The following QRICH2 variants were observed in gnomAD, a reference collection of about 807,000 sequenced individuals.
QRICH2 encodes glutamine rich 2, also known as glutamine-rich protein 2.
In QRICH2, 119 loss-of-function variants were observed where a neutral mutation model predicts 168.3. The ratio of observed to expected loss-of-function variants is 0.71; its 90% CI spans 0.61 to 0.82. QRICH2 has a LOEUF of 0.82. Ranked by LOEUF, QRICH2 falls within the 40% of genes least tolerant of loss-of-function variation. The pLI, the probability that QRICH2 is intolerant of heterozygous loss-of-function variation, is 0.00. For synonymous variants in QRICH2, 894 were observed against 951.2 expected, an observed-to-expected ratio of 0.94 and a Z score of 1.11; for missense variants, 2,241 against 2,491.6, an observed-to-expected ratio of 0.90 and a Z score of 2.14.
intron 18 of QRICH2, 124 bp downstream of exon 18, chr17:76,275,695 T>TCC: frequency 1.6e-6 from 2 of 1,255,376 alleles, no homozygotes; most frequent in Non-Finnish European, 2.1e-6. Flanking sequence ...TCCACACCCA[T>TCC]CCCCCCCTTC....
intron 1 of QRICH2, among the ~76,000 whole-genome samples, chr17:76,306,187 A>C (rs540210242): frequency 2.0e-3 from 298 of 147,662 alleles, no homozygotes; most frequent in African/African-American, 7.1e-3. Flanking sequence ...AAAAAAAAAA[A>C]AAAAAACCCA....
At chr17:76,282,307 T>A (rs2143187952) in intron 7 of QRICH2, among the ~76,000 whole-genome samples, 192 bp from the exon 8 acceptor site, 1 of 152,302 alleles carries the variant, frequency 6.6e-6, no homozygotes, top group East Asian at 1.9e-4. Flanking sequence ...GAGAGAGTTC[T>A]CCGAGAACAC....
At chr17:76,300,240 C>A (rs1007140766) in intron 3 of QRICH2, among the ~76,000 whole-genome samples, 2 of 152,082 alleles carry the variant, frequency 1.3e-5, no homozygotes, top group African/African-American at 4.8e-5. Flanking sequence ...GCATAGACAC[C>A]TTTAAACATT....
Position 76,307,710 on chromosome 17 carries a change from A to C in QRICH2, c.289T>G (p.Ser97Ala), listed in dbSNP as rs2071012812. The C allele has an allele frequency of 7.0e-7, 1 of 1,428,376 alleles. No individual in the cohort carries two copies. The highest frequency in any genetic ancestry group is 1.4e-5 in the African/African-American group (1 of 69,112). The allele number at this position is 1,428,376 out of a possible 1,614,324, so 88.5% of individuals were successfully genotyped here. A position where few individuals can be genotyped will look rare whatever the true frequency, so the allele number is the denominator to read the frequency against. The part of the protein sequence containing the change: ...KRRGVGQAPS[S>A]ALESQVKDLG... ...TCCTTCACTTGGCTCTCCAGCGCTG[A>C]CGAAGGCGCCTGGCCCACGCCCCTG... is the stretch of plus-strand genomic sequence containing the variant. The change falls in exon 1 of 19, where the codon TCA (serine) becomes GCA (alanine). Residue 97 changes from serine to alanine, a missense_variant. Coordinates refer to ENST00000680821, the MANE Select transcript of QRICH2 (RefSeq NM_001388453.1). The surrounding 1 kb of genome is among the most constrained non-coding windows in gnomAD (Gnocchi z 5.3).
In QRICH2 at chr17:76,287,251, T is replaced by C. The variant is rs763822715; in HGVS notation, c.3952A>G (p.Arg1318Gly). The C allele has an allele frequency of 8.7e-6, 14 of 1,614,040 alleles. No homozygotes were observed. Among genetic ancestry groups the C allele is most frequent in the Non-Finnish European group, 1.1e-5 (13 of 1,179,932 alleles). ...GAATTTTCCATGGCAGCCTTGCCCC[T>C]GTCTTGGCTCTCCCTCAACTCGGCC... is the stretch of plus-strand genomic sequence containing the variant. ...ELAELRESQD[R>G]GKAAMENSVS... Residue 1318 changes from arginine (R) to glycine (G), a missense_variant, in exon 7 of 19, where the codon AGG becomes GGG. Arg to Gly is a moderately radical substitution (Grantham distance 125). This residue lies in a region of QRICH2 where 2,047 missense variants were observed against 2,303.8 expected (regional missense o/e 0.89). Coordinates refer to ENST00000680821, the MANE Select transcript of QRICH2 (RefSeq NM_001388453.1).
At chr17:76,275,342 T>C (rs1450614301) in intron 18 of QRICH2, among the ~76,000 whole-genome samples, 1 of 152,110 alleles carries the variant, frequency 6.6e-6, no homozygotes, top group Non-Finnish European at 1.5e-5. Flanking sequence ...TGCAGGGCCT[T>C]GTTACCAAAC....
In QRICH2 at chr17:76,305,987, C is replaced by T. The variant is rs149753817; in HGVS notation, c.535-1046G>A. Among the ~76,000 whole-genome samples the T allele has an allele frequency of 2.3e-3, 341 of 151,180 alleles. 5 individuals carry two copies. In the East Asian group the frequency reaches 0.041, roughly 18 times the overall value. ...GAGTTCGAGACCAGCCTGGCCAACA[C>T]GGCAAAACCCCATCTCTACTAAAAG... On this transcript the variant is annotated intron_variant, in intron 1 of 18. Transcript: ENST00000680821.
At chr17:76,286,683 T>G (rs772009703) in intron 7 of QRICH2, among the ~76,000 whole-genome samples, 186 of 152,168 alleles carry the variant, frequency 1.2e-3, no homozygotes, top group Non-Finnish European at 1.5e-3. Flanking sequence ...GTGATCAGCC[T>G]GGCCAAAATG....
chr17:76,305,622 C>T (rs1043177069), intron 1 of QRICH2, among the ~76,000 whole-genome samples: 1 of 152,102 alleles, frequency 6.6e-6, no homozygotes, highest in Non-Finnish European at 1.5e-5. Flanking sequence ...TCAGTTTGCT[C>T]CAACCCACTT....
chr17:76,304,493 A>G lies in QRICH2; in HGVS notation c.627T>C (p.Pro209=). Residue 209 remains proline (P), a synonymous_variant, in exon 3 of 19, where the codon CCT becomes CCC. Transcript: ENST00000680821. ...TGACCATGGTGACTTCTTCTGCACC[A>G]GGAACCAAACTCAGCTTCCGGCTGA... ...ELVSRKLSLV[P]GAEEVTMVTW... The G allele has an allele frequency of 6.2e-7, 1 of 1,613,890 alleles. No homozygotes were observed. The highest frequency in any genetic ancestry group is 8.5e-7 in the Non-Finnish European group (1 of 1,179,974).
intron 3 of QRICH2, among the ~76,000 whole-genome samples, chr17:76,297,870 GTTT>G (rs1169251679): frequency 5.0e-5 from 4 of 79,474 alleles, no homozygotes; most frequent in Non-Finnish European, 7.0e-5. Flanking sequence ...TTAGGAATCT[GTTT>G]TTTTTTTTTT....
chr17:76,294,166 TAAAG>T (rs1292809693), intron 3 of QRICH2, 145 bp from the exon 4 acceptor site: 3 of 1,064,520 alleles, frequency 2.8e-6, no homozygotes, highest in Non-Finnish European at 3.9e-6. Context: ...AAGCTTGACA[TAAAG>T]AAACACACTG....
chr17:76,290,054 G>C lies in QRICH2; in HGVS notation c.3736C>G (p.Leu1246Val), dbSNP rs1360585802. ...QMVKRTIPPE[L>V]QEQLKTVKTL... ...TTTACGGTCTTCAGCTGCTCCTGCA[G>C]TTCAGGAGGTATGGTCCTTTTGACT... The change falls in exon 5 of 19, where the codon CTG becomes GTG. Residue 1246 changes from leucine to valine, a missense_variant. Around this residue, in one of 3 missense-constraint regions of QRICH2, gnomAD observed 2,047 missense variants for 2,303.8 expected, o/e 0.89. Transcript: ENST00000680821. The C allele has an allele frequency of 1.9e-6, 3 of 1,612,122 alleles. No homozygotes were observed. Among genetic ancestry groups the C allele is most frequent in the Non-Finnish European group, 2.5e-6 (3 of 1,178,952 alleles).
At chr17:76,278,515 C>T (rs347677) in intron 14 of QRICH2, among the ~76,000 whole-genome samples, 63,665 of 152,162 alleles carry the variant, frequency 0.42, 13,574 homozygotes, top group East Asian at 0.6. Flanking sequence ...CTGGAACCCA[C>T]AGGGCTCCAA....
At position 76,297,870 on chromosome 17, in the gene QRICH2, G is replaced by GTTTTTTTTTTTTTTTTT. The variant is rs1169251679; in HGVS notation, c.706-3866_706-3850dup. Among the ~76,000 whole-genome samples the GTTTTTTTTTTTTTTTTT allele has an allele frequency of 3.0e-4, 24 of 79,492 alleles. 2 individuals are homozygous for GTTTTTTTTTTTTTTTTT. The highest frequency in any genetic ancestry group is 4.3e-4 in the African/African-American group (8 of 18,490). The allele number at this position is 79,492 out of a possible 152,430, so 52.1% of individuals were successfully genotyped here. On this transcript the variant is annotated intron_variant, in intron 3 of 18. Coordinates refer to ENST00000680821, the MANE Select transcript of QRICH2 (RefSeq NM_001388453.1). ...AGTAGCTAGGACTACTTAGGAATCT[G>GTTTTTTTTTTTTTTTTT]TTTTTTTTTTTTTTTTTTTTTTTTT... is the stretch of plus-strand genomic sequence containing the variant.
intron 17 of QRICH2, among the ~76,000 whole-genome samples, chr17:76,276,443 G>C (rs866763086): frequency 6.6e-6 from 1 of 152,214 alleles, no homozygotes; most frequent in African/African-American, 2.4e-5. Flanking sequence ...CGGGATGGAG[G>C]CTGGCAAGAA....
At chr17:76,287,099 G>A (rs542965240) in intron 7 of QRICH2, 93 bp downstream of exon 7, 2 of 688,732 alleles carry the variant, frequency 2.9e-6, no homozygotes, top group South Asian at 1.5e-5. Context: ...TGATGGGAGG[G>A]ACCTAGTTTT....
Position 76,280,933 on chromosome 17 carries a change from A to G in QRICH2, c.4284T>C (p.Arg1428=), listed in dbSNP as rs1373334364. ...LQRQDEELLG[R]VQSAILQVQG... ...GCACCTGCAGGATGGCACTCTGCAC[A>G]CGGCCCAGCAGCTCCTCGTCCTGCG... The change falls in exon 9 of 19, where the codon CGT becomes CGC. Residue 1428 remains arginine, a synonymous_variant. Coordinates refer to ENST00000680821, the MANE Select transcript of QRICH2 (RefSeq NM_001388453.1). This position sits in a 1 kb window ranked among gnomAD's most constrained non-coding sequence, Gnocchi z 7.4. 6.2e-7 allele frequency: 1 copy of G among 1,611,130 alleles called. No homozygotes were observed. Among genetic ancestry groups the G allele is most frequent in the East Asian group, 2.2e-5 (1 of 44,864 alleles).
chr17:76,291,343 A>C lies in QRICH2; in HGVS notation c.3384T>G (p.Gly1128=), dbSNP rs1278388706. The C allele has an allele frequency of 6.2e-7, 1 of 1,613,908 alleles. No individual in the cohort carries two copies. Among genetic ancestry groups the C allele is most frequent in the Admixed American group, 1.7e-5 (1 of 59,976 alleles). Residue 1128 remains glycine, a synonymous_variant, in exon 4 of 19, where the codon GGT becomes GGG. Coordinates refer to ENST00000680821, the MANE Select transcript of QRICH2 (RefSeq NM_001388453.1). Reference sequence around the variant, plus strand: ...AGGCTCGTGTTCTATTTGGATCCAAACCTTCCTGGCCATGCTGATCAGCAC... The same window carrying C: ...AGGCTCGTGTTCTATTTGGATCCAACCCTTCCTGGCCATGCTGATCAGCAC... ...YLSADQHGQE[G]LDPNRTRASD...
Sources: allele counts gnomAD v4.1 joint callset (sites outside exome capture counted in the v4.1 genomes callset), GRCh38; gene constraint gnomAD v4.1.1; regional missense constraint gnomAD v4.1.1; non-coding constraint Gnocchi (gnomAD v3.1); transcripts MANE v1.5; gene names NCBI Gene and HGNC (gene_info 2026-07-23, HGNC 2026-07-21).